The following CCDC73 variants were observed in gnomAD, a reference collection of about 807,000 sequenced individuals.
The protein encoded by CCDC73 is coiled-coil domain containing 73.
CCDC73 carries 95 observed loss-of-function variants against 116.5 expected under a neutral mutation model. The observed-to-expected ratio is 0.82, with a 90% confidence interval of 0.69 to 0.97. The LOEUF is 0.97. Among genes scored for constraint, CCDC73 ranks in the 50% least tolerant of loss-of-function variants. The pLI is 0.00. For synonymous variants in CCDC73, 398 were observed against 401.3 expected, an observed-to-expected ratio of 0.99 and a Z score of 0.10; for missense variants, 1,066 against 1,206.8, an observed-to-expected ratio of 0.88 and a Z score of 1.73.
chr11:32,655,016 T>C, intron 9 of CCDC73, 44 bp from the exon 10 acceptor site: 2 of 1,169,562 alleles, frequency 1.7e-6, no homozygotes. Context: ...TACACATATT[T>C]CACTAAAACA....
intron 9 of CCDC73, among the ~76,000 whole-genome samples, chr11:32,661,851 C>T (rs1414392471): frequency 6.6e-6 from 1 of 151,724 alleles, no homozygotes; most frequent in Non-Finnish European, 1.5e-5. Context: ...GACCCCACAA[C>T]AGTCCCCGGA....
At chr11:32,608,870 G>C (rs1374739701) in intron 17 of CCDC73, among the ~76,000 whole-genome samples, 7 of 152,170 alleles carry the variant, frequency 4.6e-5, no homozygotes, top group Admixed American at 1.3e-4. Context: ...GCCAAGGCTT[G>C]GGGCTTGTAC....
chr11:32,695,903 CAGA>C (rs1565078180), intron 6 of CCDC73, among the ~76,000 whole-genome samples: 1 of 145,774 alleles, frequency 6.9e-6, no homozygotes, highest in African/African-American at 2.5e-5. Context: ...GAAAAGAAAA[CAGA>C]GGAGTTTTTA....
the CCDC73 span, among the ~76,000 whole-genome samples, chr11:32,819,081 A>G: frequency 6.6e-6 from 1 of 152,180 alleles, no homozygotes; most frequent in Non-Finnish European, 1.5e-5. Flanking sequence ...TGTAAATTTT[A>G]TCTCAATTAA....
upstream of CCDC73, among the ~76,000 whole-genome samples, chr11:32,797,015 A>G (rs1431069524): frequency 7.3e-6 from 1 of 136,566 alleles, no homozygotes; most frequent in African/African-American, 2.8e-5. Context: ...GCCTCAAAAA[A>G]AAAAAAAAAA....
At chr11:32,716,150 G>T (rs141439744) in intron 3 of CCDC73, among the ~76,000 whole-genome samples, 72 of 152,192 alleles carry the variant, frequency 4.7e-4, no homozygotes, top group Non-Finnish European at 1.0e-3. Flanking sequence ...ATATTTGAGG[G>T]AATGCAACCA....
At chr11:32,672,224 C>T (rs1453942364) in intron 9 of CCDC73, among the ~76,000 whole-genome samples, 1 of 152,120 alleles carries the variant, frequency 6.6e-6, no homozygotes, top group Non-Finnish European at 1.5e-5. Context: ...TGCCTGTAGT[C>T]CCAGCTACTT....
chr11:32,665,303 G>A (rs1386708938), intron 9 of CCDC73, among the ~76,000 whole-genome samples: 4 of 152,112 alleles, frequency 2.6e-5, no homozygotes, highest in African/African-American at 9.7e-5. Flanking sequence ...AAGTCTCTTT[G>A]TAGGTCTCTA....
chr11:32,755,276 G>A (rs962001817), intron 2 of CCDC73, among the ~76,000 whole-genome samples: 2 of 143,682 alleles, frequency 1.4e-5, no homozygotes, highest in Non-Finnish European at 3.0e-5. Flanking sequence ...TGGCTCACCC[G>A]TGTAATCCCA....
intron 1 of CCDC73, among the ~76,000 whole-genome samples, chr11:32,772,728 T>C (rs773303763): frequency 1.3e-4 from 20 of 152,166 alleles, no homozygotes; most frequent in Non-Finnish European, 2.5e-4. Flanking sequence ...GTTATAAAGG[T>C]GTTAGTTATT....
intron 2 of CCDC73, among the ~76,000 whole-genome samples, chr11:32,732,463 T>C (rs1418263189): frequency 6.6e-6 from 1 of 151,958 alleles, no homozygotes; most frequent in Non-Finnish European, 1.5e-5. Context: ...AGACACATAA[T>C]TGTCAGATTC....
intron 6 of CCDC73, among the ~76,000 whole-genome samples, chr11:32,687,763 T>G (rs1335641384): frequency 1.3e-5 from 2 of 152,144 alleles, no homozygotes; most frequent in African/African-American, 4.8e-5. Context: ...AGCACTCAGA[T>G]CTTGGTTTCT....
Position 32,747,502 on chromosome 11 carries a change from G to C in CCDC73, c.135+12607C>G, listed in dbSNP as rs368939619. On this transcript the variant is annotated intron_variant, in intron 2 of 17. Transcript: ENST00000335185. ...ATGTTTAAGTCTGGAGAAGCTATCT[G>C]CTGCCTTTTGTTCAGATATGCCCTG... 7.7e-4 allele frequency among the ~76,000 whole-genome samples: 118 copies of C among 152,354 alleles called. 3 individuals carry two copies. In the South Asian group the frequency reaches 0.023, roughly 29 times the overall value.
Position 32,730,501 on chromosome 11 carries a change from G to A in CCDC73, c.136-12354C>T, listed in dbSNP as rs533696442. ...GTGCCATTCTATTGTCTTCCAGGTT[G>A]AGTAATTATTACTGAGAAGCCCACT... On this transcript the variant is annotated intron_variant, in intron 2 of 17. Coordinates refer to ENST00000335185, the MANE Select transcript of CCDC73 (RefSeq NM_001008391.4). Among the ~76,000 whole-genome samples, 11 of 152,286 alleles carry A rather than the reference G, an allele frequency of 7.2e-5. No individual in the cohort carries two copies. In the East Asian group the frequency reaches 2.1e-3, roughly 29 times the overall value.
At chr11:32,707,377 A>G (rs1590605592) in intron 3 of CCDC73, among the ~76,000 whole-genome samples, 1 of 151,760 alleles carries the variant, frequency 6.6e-6, no homozygotes, top group East Asian at 1.9e-4. Flanking sequence ...GTGCTACTCG[A>G]AGTTACTTTT....
chr11:32,766,249 A>T (rs1850440733), intron 1 of CCDC73, among the ~76,000 whole-genome samples: 1 of 152,240 alleles, frequency 6.6e-6, no homozygotes. Context: ...CTGTGACAAA[A>T]TTCAACAGCC....
chr11:32,759,949 TTTAC>T (rs1246597881), intron 2 of CCDC73, among the ~76,000 whole-genome samples, 156 bp downstream of exon 2: 1 of 152,200 alleles, frequency 6.6e-6, no homozygotes, highest in African/African-American at 2.4e-5. Context: ...TCCCTGATCA[TTTAC>T]TTAATCTGTC....
chr11:32,633,510 T>C (rs1409689883), intron 14 of CCDC73, among the ~76,000 whole-genome samples: 1 of 152,100 alleles, frequency 6.6e-6, no homozygotes, highest in Non-Finnish European at 1.5e-5. Flanking sequence ...TATATACCCA[T>C]ACACATGACT....
At chr11:32,674,632 G>C (rs118097830) in intron 9 of CCDC73, among the ~76,000 whole-genome samples, 1,447 of 135,938 alleles carry the variant, frequency 0.011, 15 homozygotes, top group Middle Eastern at 0.033. Flanking sequence ...CACATTGTCA[G>C]GTTCCTATTT....
Sources: gnomAD v4.1 joint callset for allele counts (sites outside exome capture counted in the v4.1 genomes callset) on GRCh38, gnomAD v4.1.1 for gene constraint, MANE v1.5 for transcripts, NCBI Gene and HGNC (gene_info 2026-07-23, HGNC 2026-07-21) for gene names.